SOCS6: variants seen among roughly 807,000 people sequenced by gnomAD.
SOCS6 encodes STAT induced STAT inhibitor-4.
SOCS6 carries 5 observed loss-of-function variants against 27.7 expected under a neutral mutation model. That is an observed-to-expected ratio of 0.18 (90% CI 0.09 to 0.38). SOCS6 has a LOEUF of 0.38. SOCS6 is among the 10% of genes least tolerant of loss of function. The pLI is 1.00. For missense variants in SOCS6, 595 were observed against 688.1 expected, an observed-to-expected ratio of 0.86 and a Z score of 1.51; for synonymous variants, 271 against 260.0, an observed-to-expected ratio of 1.04 and a Z score of -0.41.
intron 1 of SOCS6, among the ~76,000 whole-genome samples, chr18:70,296,185 A>G (rs1259737872): frequency 6.6e-6 from 1 of 152,184 alleles, no homozygotes; most frequent in East Asian, 1.9e-4. Flanking sequence ...GATGGGGAAG[A>G]TGACTTTTTT....
intron 1 of SOCS6, among the ~76,000 whole-genome samples, chr18:70,306,288 C>T (rs571444890): frequency 2.3e-4 from 35 of 151,742 alleles, no homozygotes; most frequent in African/African-American, 8.5e-4. Flanking sequence ...TCCTGGCCAA[C>T]ATGGTGAAAC....
intron 1 of SOCS6, among the ~76,000 whole-genome samples, chr18:70,304,058 T>C (rs2062359210): frequency 6.6e-6 from 1 of 152,198 alleles, no homozygotes; most frequent in South Asian, 2.1e-4. Flanking sequence ...AAAACTTCTT[T>C]ACAGCAAATA....
chr18:70,318,802 G>A (rs1910868141), intron 1 of SOCS6, among the ~76,000 whole-genome samples: 1 of 152,022 alleles, frequency 6.6e-6, no homozygotes. Context: ...CAGGTGTGGT[G>A]GTGGGCGCCT....
At position 70,328,406 on chromosome 18, in the gene SOCS6, A is replaced by G. The variant is rs1252971036; in HGVS notation, c.*2130A>G. 6.0e-6 allele frequency: 1 copy of G among 166,470 alleles called. No individual in the cohort carries two copies. The highest frequency in any genetic ancestry group is 1.9e-4 in the East Asian group (1 of 5,176). 10.3% of individuals were successfully genotyped at this position (166,470 alleles called of 1,614,324 possible). ...CACAGAGGTCTTTGGACTGCCCTGA[A>G]CCCGTCTTATGTGGACATAACCTAT... On this transcript the variant is annotated 3_prime_UTR_variant, in exon 2 of 2. Transcript: ENST00000397942.
intron 1 of SOCS6, among the ~76,000 whole-genome samples, chr18:70,305,144 G>A (rs2146272563): frequency 1.3e-5 from 2 of 151,912 alleles, no homozygotes; most frequent in East Asian, 1.9e-4. Context: ...GAGGTGGGAG[G>A]TTGCAGTGAG....
chr18:70,322,715 A>G (rs966436460), intron 1 of SOCS6, among the ~76,000 whole-genome samples: 2 of 152,176 alleles, frequency 1.3e-5, no homozygotes, highest in African/African-American at 2.4e-5. Context: ...ATTTTTTACA[A>G]CTTATTCAGA....
chr18:70,316,028 T>A (rs1424956069), intron 1 of SOCS6, among the ~76,000 whole-genome samples: 1 of 152,108 alleles, frequency 6.6e-6, no homozygotes, highest in Non-Finnish European at 1.5e-5. Context: ...TTTTTTATTT[T>A]TAGTAGAGAC....
intron 1 of SOCS6, among the ~76,000 whole-genome samples, chr18:70,316,763 A>G (rs1037561681): frequency 2.0e-5 from 3 of 152,124 alleles, no homozygotes; most frequent in African/African-American, 7.2e-5. Context: ...ACTTCACTAA[A>G]CTAGGGACTC....
intron 1 of SOCS6, among the ~76,000 whole-genome samples, chr18:70,322,434 G>T (rs1911025764): frequency 6.6e-6 from 1 of 152,134 alleles, no homozygotes; most frequent in African/African-American, 2.4e-5. Context: ...TGGATTGGTA[G>T]TTGAAAAAGG....
chr18:70,319,563 T>C (rs1910897458), intron 1 of SOCS6, among the ~76,000 whole-genome samples: 1 of 141,452 alleles, frequency 7.1e-6, no homozygotes, highest in African/African-American at 2.6e-5. Context: ...TAATAGTAAA[T>C]GTAGTAATAG....
At chr18:70,317,586 A>G (rs980787361) in intron 1 of SOCS6, among the ~76,000 whole-genome samples, 3 of 140,596 alleles carry the variant, frequency 2.1e-5, no homozygotes, top group East Asian at 2.0e-4. Context: ...CACACACCAC[A>G]TTTTCTTTAT....
intron 1 of SOCS6, among the ~76,000 whole-genome samples, chr18:70,290,618 C>G (rs1417329796): frequency 2.0e-5 from 3 of 152,184 alleles, no homozygotes; most frequent in Non-Finnish European, 4.4e-5. Context: ...CTCCCTAAGC[C>G]TGCCTTGGTG....
chr18:70,307,107 A>T (rs1456079333), intron 1 of SOCS6, among the ~76,000 whole-genome samples: 1 of 151,994 alleles, frequency 6.6e-6, no homozygotes, highest in Non-Finnish European at 1.5e-5. Context: ...TACAAAAAAT[A>T]AAAAAATTAG....
At chr18:70,290,549 T>A (rs2062294212) in intron 1 of SOCS6, among the ~76,000 whole-genome samples, 1 of 152,182 alleles carries the variant, frequency 6.6e-6, no homozygotes, top group Non-Finnish European at 1.5e-5. Context: ...TATGGTAAGG[T>A]CTAGGATCCA....
At chr18:70,310,528 G>A (rs2062386746) in intron 1 of SOCS6, among the ~76,000 whole-genome samples, 1 of 122,402 alleles carries the variant, frequency 8.2e-6, no homozygotes, top group South Asian at 2.8e-4. Flanking sequence ...GGCTGGTCTT[G>A]AACTCCTGGG....
intron 1 of SOCS6, among the ~76,000 whole-genome samples, chr18:70,320,565 C>T (rs1437622923): frequency 2.0e-5 from 3 of 151,932 alleles, no homozygotes; most frequent in East Asian, 3.9e-4. Context: ...AGATATTTTG[C>T]GAGAGAGAGA....
intron 1 of SOCS6, among the ~76,000 whole-genome samples, chr18:70,322,181 A>G (rs530532635): frequency 6.4e-4 from 97 of 152,342 alleles, no homozygotes; most frequent in Admixed American, 1.4e-3. Context: ...GAAAAGCAGT[A>G]AAACTAATTC....
intron 1 of SOCS6, among the ~76,000 whole-genome samples, chr18:70,295,872 A>G (rs1439956438): frequency 1.3e-5 from 2 of 152,206 alleles, no homozygotes; most frequent in African/African-American, 2.4e-5. Context: ...ACTCTGGTGT[A>G]TGCAGCCCTT....
chr18:70,299,275 C>G (rs993420260), intron 1 of SOCS6, among the ~76,000 whole-genome samples: 1 of 152,104 alleles, frequency 6.6e-6, no homozygotes, highest in Admixed American at 6.5e-5. Context: ...TACTTCTGAC[C>G]GACTGGCTAC....
Sources: gnomAD v4.1 joint callset for allele counts (sites outside exome capture counted in the v4.1 genomes callset) on GRCh38, gnomAD v4.1.1 for gene constraint, MANE v1.5 for transcripts, NCBI Gene and HGNC (gene_info 2026-07-23, HGNC 2026-07-21) for gene names.